The following CDC45 variants were observed in gnomAD, a reference collection of about 807,000 sequenced individuals.
CDC45 encodes the protein cell division cycle 45.
In CDC45, 54 loss-of-function variants were observed where a neutral mutation model predicts 77.8. That is an observed-to-expected ratio of 0.69 (90% confidence interval 0.56 to 0.87). The LOEUF (loss-of-function observed/expected upper bound fraction) is 0.87, where lower values mean the gene tolerates loss of function less well. CDC45 is among the 40% of genes least tolerant of loss of function. The pLI is 0.00. For missense variants in CDC45, 649 were observed against 721.6 expected (o/e 0.90, Z 1.15); for synonymous variants, 260 against 272.1 (o/e 0.96, Z 0.44).
intron 5 of CDC45, among the ~76,000 whole-genome samples, chr22:19,490,785 TATC>T (rs758000885): frequency 1.3e-5 from 2 of 152,226 alleles, no homozygotes; most frequent in African/African-American, 2.4e-5. Context: ...AGTCTACTGG[TATC>T]ATCATTTTAC....
chr22:19,514,608 C>T, intron 13 of CDC45, 141 bp from the exon 14 acceptor site: 1 of 665,016 alleles, frequency 1.5e-6, no homozygotes, highest in East Asian at 2.7e-5. Flanking sequence ...ATGTGAAAGA[C>T]AACTCAGGAG....
intron 13 of CDC45, among the ~76,000 whole-genome samples, chr22:19,510,647 G>A (rs781758885): frequency 2.0e-5 from 3 of 152,086 alleles, no homozygotes; most frequent in Non-Finnish European, 4.4e-5. Context: ...TCCTGCCTCA[G>A]CCTACCGAGT....
chr22:19,496,173 G>T (rs1221761170), intron 7 of CDC45, 144 bp downstream of exon 7: 1 of 642,814 alleles, frequency 1.6e-6, no homozygotes, highest in Non-Finnish European at 2.8e-6. Flanking sequence ...GTGACCTTGG[G>T]CAGGTGTTGC....
intron 6 of CDC45, among the ~76,000 whole-genome samples, chr22:19,495,754 C>T (rs926833734): frequency 2.0e-5 from 3 of 152,162 alleles, no homozygotes; most frequent in African/African-American, 7.2e-5. Context: ...CCCAGGATGT[C>T]AAGGCTGCAG....
intron 9 of CDC45, among the ~76,000 whole-genome samples, chr22:19,504,151 G>A (rs746568914): frequency 6.1e-4 from 93 of 152,346 alleles, no homozygotes; most frequent in Non-Finnish European, 1.1e-3. Flanking sequence ...TTGTATGCCT[G>A]CTGTGCAGTA....
chr22:19,506,019 C>G (rs957368333), intron 10 of CDC45, among the ~76,000 whole-genome samples: 7 of 152,060 alleles, frequency 4.6e-5, no homozygotes, highest in Admixed American at 4.6e-4. Flanking sequence ...GTGGAGTGAC[C>G]AGAGTTTGAG....
Position 19,516,571 on chromosome 22 carries a change from C to G in CDC45, c.1485C>G (p.Ala495=), listed in dbSNP as rs768863431. 6.2e-7 allele frequency: 1 copy of G among 1,614,044 alleles called. No homozygotes were observed. The highest frequency in any genetic ancestry group is 8.5e-7 in the Non-Finnish European group (1 of 1,179,988). The change falls in exon 16 of 19, where the codon GCC becomes GCG. Residue 495 remains alanine (A), a synonymous_variant. Coordinates refer to ENST00000263201, the MANE Select transcript of CDC45 (RefSeq NM_003504.5). ...AACTGCTGCCCCTGGTGATGGCTGCCCCCCTGAGCATGGAGCATGGCACAG... is the reference window on the plus strand; with the variant it reads ...AACTGCTGCCCCTGGTGATGGCTGCGCCCCTGAGCATGGAGCATGGCACAG... ...RCKLLPLVMA[A]PLSMEHGTVT... is the part of the protein sequence containing the mutation.
chr22:19,489,965 G>A (rs1295026649), intron 5 of CDC45, among the ~76,000 whole-genome samples: 2 of 152,114 alleles, frequency 1.3e-5, no homozygotes, highest in Non-Finnish European at 2.9e-5. Flanking sequence ...GCTCTCTTGT[G>A]CGCACACATT....
At chr22:19,518,550 C>T (rs746604766) in intron 17 of CDC45, among the ~76,000 whole-genome samples, 15 of 152,214 alleles carry the variant, frequency 9.9e-5, no homozygotes, top group African/African-American at 3.6e-4. Context: ...CTGGGGTGGG[C>T]AGGCCCGTGT....
chr22:19,514,927 C>T, intron 14 of CDC45, 38 bp from the exon 15 acceptor site: 1 of 1,614,240 alleles, frequency 6.2e-7, no homozygotes, highest in Non-Finnish European at 8.5e-7. Flanking sequence ...GGTCACAGCA[C>T]CAGTGGCTTC....
chr22:19,503,922 C>T lies in CDC45; in HGVS notation c.705-1440C>T, dbSNP rs186576419. Among the ~76,000 whole-genome samples, 6 of 152,350 alleles carry T rather than the reference C, an allele frequency of 3.9e-5. No individual in the cohort carries two copies. The East Asian group carries it at 5.8e-4, about 15-fold the overall frequency. ...TCAAAACCAGAAACTTGCTTTGCTGCGAGCAGTCTATGCACCAAAGGTTGA... is the reference window on the plus strand; with the variant it reads ...TCAAAACCAGAAACTTGCTTTGCTGTGAGCAGTCTATGCACCAAAGGTTGA... On this transcript the variant is annotated intron_variant, in intron 9 of 18. Transcript: ENST00000263201.
At chr22:19,511,952 A>T (rs1933541029) in intron 13 of CDC45, among the ~76,000 whole-genome samples, 4 of 125,190 alleles carry the variant, frequency 3.2e-5, no homozygotes, top group East Asian at 2.3e-4. Flanking sequence ...ACAGGGTCTT[A>T]CTCTGTCACT....
chr22:19,479,792 G>A, upstream of CDC45: 1 of 684,686 alleles, frequency 1.5e-6, no homozygotes, highest in Non-Finnish European at 2.6e-6. Flanking sequence ...GAATGGCAGA[G>A]CGCTAATGGC....
chr22:19,491,342 CTTTCTA>C (rs1377868985), intron 5 of CDC45, among the ~76,000 whole-genome samples: 1 of 151,354 alleles, frequency 6.6e-6, no homozygotes, highest in Non-Finnish European at 1.5e-5. Flanking sequence ...TTTCCATTTC[CTTTCTA>C]TTTAAGAGTC....
chr22:19,497,038 G>A (rs2090254372), intron 7 of CDC45, among the ~76,000 whole-genome samples: 1 of 152,186 alleles, frequency 6.6e-6, no homozygotes, highest in African/African-American at 2.4e-5. Flanking sequence ...GGGATTCAGT[G>A]CCTGCCTTGG....
Position 19,516,805 on chromosome 22 carries a change from G to A in CDC45, c.1560-12G>A, listed in dbSNP as rs199807077. On this transcript the variant is annotated splice_polypyrimidine_tract_variant and intron_variant, in intron 16 of 18. Transcript: ENST00000263201. Reference sequence around the variant, plus strand: ...GGCCGCCTGGCCCCCGACATGTCTTGTGTGTCAGCAGCTTTTTTGGGAGGG... The same window carrying A: ...GGCCGCCTGGCCCCCGACATGTCTTATGTGTCAGCAGCTTTTTTGGGAGGG... 14 of 1,613,690 alleles carry A rather than the reference G, an allele frequency of 8.7e-6. No homozygotes were observed. The highest frequency in any genetic ancestry group is 1.7e-5 in the Admixed American group (1 of 60,006).
At chr22:19,490,780 A>G (rs1297266691) in intron 5 of CDC45, among the ~76,000 whole-genome samples, 1 of 150,300 alleles carries the variant, frequency 6.7e-6, no homozygotes, top group African/African-American at 2.5e-5. Flanking sequence ...ATCACAGTCT[A>G]CTGGTATCAT....
At chr22:19,494,703 C>G (rs1020518186) in intron 6 of CDC45, 3 of 882,454 alleles carry the variant, frequency 3.4e-6, no homozygotes, top group Non-Finnish European at 3.6e-6. Flanking sequence ...AAGAAGTGCT[C>G]TAAAATGAAA....
Position 19,516,503 on chromosome 22 carries a change from G to C in CDC45, c.1441-24G>C, listed in dbSNP as rs760540811. On this transcript the variant is annotated intron_variant, in intron 15 of 18. Transcript: ENST00000263201. ...GAGCTGGGGCCCACCATACCCTGAC[G>C]GAGGGTGCTCTCCGACTCCATAGAC... is the stretch of plus-strand genomic sequence containing the variant. 107 of 1,589,940 alleles carry C rather than the reference G, an allele frequency of 6.7e-5. 1 individual carries two copies. In the Middle Eastern group the frequency reaches 1.0e-3, roughly 15 times the overall value.
Sources: allele counts gnomAD v4.1 joint callset (sites outside exome capture counted in the v4.1 genomes callset), GRCh38; gene constraint gnomAD v4.1.1; transcripts MANE v1.5; gene names NCBI Gene and HGNC (gene_info 2026-07-23, HGNC 2026-07-21).